HUNK: variants seen among roughly 807,000 people sequenced by gnomAD.
HUNK encodes the protein hormonally up-regulated neu tumor-associated kinase.
A neutral mutation model predicts 61.0 loss-of-function variants in HUNK; 21 were observed. The observed-to-expected ratio is 0.34, with a 90% CI of 0.24 to 0.50. HUNK has a LOEUF of 0.50. HUNK is among the 20% of genes least tolerant of loss of function. The pLI, the probability that HUNK is intolerant of heterozygous loss-of-function variation, is 0.98. For missense variants in HUNK, 772 were observed against 945.7 expected, an observed-to-expected ratio of 0.82 and a Z score of 2.41; for synonymous variants, 371 against 386.1, an observed-to-expected ratio of 0.96 and a Z score of 0.46.
Position 31,987,953 on chromosome 21 carries a change from A to G in HUNK, c.1258-2176A>G, listed in dbSNP as rs183575486. 1.4e-4 allele frequency among the ~76,000 whole-genome samples: 21 copies of G among 152,306 alleles called. No individual in the cohort carries two copies. In the East Asian group the frequency reaches 3.7e-3, roughly 27 times the overall value. ...GTGTGGCCCAGGGCTCGTGTCCCCT[A>G]GGGCTGTCATCAACCCGTGTCCCGG... is the stretch of plus-strand genomic sequence containing the variant. On this transcript the variant is annotated intron_variant, in intron 8 of 10. Coordinates refer to ENST00000270112, the MANE Select transcript of HUNK (RefSeq NM_014586.2).
At chr21:31,920,900 C>T (rs1344747699) in intron 1 of HUNK, among the ~76,000 whole-genome samples, 2 of 152,184 alleles carry the variant, frequency 1.3e-5, no homozygotes, top group Middle Eastern at 3.4e-3. Flanking sequence ...TCCTATAATC[C>T]CCGCACTTGG....
chr21:31,951,302 A>T (rs1289353596), intron 4 of HUNK, among the ~76,000 whole-genome samples: 5 of 152,102 alleles, frequency 3.3e-5, no homozygotes, highest in Non-Finnish European at 7.4e-5. Context: ...AACTTTTATT[A>T]CTGTGAATTG....
chr21:31,958,940 A>G lies in HUNK; in HGVS notation c.844A>G (p.Met282Val), dbSNP rs751148005. 6 of 1,610,162 alleles carry G rather than the reference A, an allele frequency of 3.7e-6. No individual in the cohort carries two copies. The change falls in exon 5 of 11, where the codon ATG becomes GTG. Residue 282 changes from methionine (M) to valine (V), a missense_variant. By Grantham distance (21) the Met-to-Val change is conservative. Transcript: ENST00000270112. ...GTACCAGAAGATGGTAGACAAAGAA[A>G]TGAACCCCCTCCCCACTCAGCTCTC... is the stretch of plus-strand genomic sequence containing the variant. ...ALYQKMVDKE[M>V]NPLPTQLSTG...
intron 4 of HUNK, among the ~76,000 whole-genome samples, chr21:31,955,034 G>A (rs559363357): frequency 2.0e-5 from 3 of 152,130 alleles, no homozygotes; most frequent in Non-Finnish European, 4.4e-5. Flanking sequence ...AGAGCCACCC[G>A]CCTCAGCCTC....
chr21:31,937,435 C>T lies in HUNK; in HGVS notation c.555-2730C>T, dbSNP rs1458309962. ...GAGAGACCAGTCTCAAAACAGTTCACTGAGTGGTTAATTTATGGAGATTTT... is the reference window on the plus strand; with the variant it reads ...GAGAGACCAGTCTCAAAACAGTTCATTGAGTGGTTAATTTATGGAGATTTT... On this transcript the variant is annotated intron_variant, in intron 2 of 10. Transcript: ENST00000270112. Among the ~76,000 whole-genome samples the T allele has an allele frequency of 2.6e-5, 4 of 152,166 alleles. No individual in the cohort carries two copies. In the East Asian group the frequency reaches 7.7e-4, roughly 29 times the overall value.
At chr21:31,971,305 C>T (rs1490068215) in intron 6 of HUNK, among the ~76,000 whole-genome samples, 1 of 152,048 alleles carries the variant, frequency 6.6e-6, no homozygotes, top group Non-Finnish European at 1.5e-5. Context: ...CTCCTGGCCT[C>T]AAGTGATCCG....
At chr21:31,988,255 TC>T (rs2053147364) in intron 8 of HUNK, among the ~76,000 whole-genome samples, 1 of 151,812 alleles carries the variant, frequency 6.6e-6, no homozygotes, top group African/African-American at 2.4e-5. Context: ...ACTTTGGGGG[TC>T]GAGGTGGGGA....
chr21:31,901,077 G>A (rs1223565314), intron 1 of HUNK, among the ~76,000 whole-genome samples: 1 of 152,100 alleles, frequency 6.6e-6, no homozygotes, highest in Non-Finnish European at 1.5e-5. Context: ...CTTTTTATAA[G>A]GACGCCAGTC....
intron 1 of HUNK, among the ~76,000 whole-genome samples, chr21:31,916,573 A>G (rs2052584372): frequency 6.6e-6 from 1 of 151,962 alleles, no homozygotes; most frequent in Admixed American, 6.6e-5. Flanking sequence ...ATCCACACAC[A>G]TGGCCTCTTC....
chr21:31,935,580 T>G (rs11910287), intron 2 of HUNK, among the ~76,000 whole-genome samples: 25,981 of 152,032 alleles, frequency 0.17, 5,315 homozygotes, highest in African/African-American at 0.5. Flanking sequence ...TTTTTCCCTC[T>G]CACACCCCAA....
chr21:31,950,971 A>C (rs2052845514), intron 4 of HUNK, among the ~76,000 whole-genome samples: 1 of 152,148 alleles, frequency 6.6e-6, no homozygotes, highest in South Asian at 2.1e-4. Flanking sequence ...TGTCATTGAA[A>C]GAAACCTTGG....
intron 1 of HUNK, among the ~76,000 whole-genome samples, chr21:31,896,964 G>A (rs1044896348): frequency 1.3e-5 from 2 of 152,168 alleles, no homozygotes; most frequent in Non-Finnish European, 1.5e-5. Context: ...GTGGCTTAGG[G>A]CCAGGCGCGG....
At chr21:31,930,813 T>C (rs1407459002) in intron 2 of HUNK, among the ~76,000 whole-genome samples, 1 of 152,174 alleles carries the variant, frequency 6.6e-6, no homozygotes, top group Non-Finnish European at 1.5e-5. Context: ...ATTGACTTAG[T>C]GTCAATGTGT....
chr21:31,996,690 G>A (rs2053208358), intron 10 of HUNK, among the ~76,000 whole-genome samples: 1 of 152,184 alleles, frequency 6.6e-6, no homozygotes, highest in Non-Finnish European at 1.5e-5. Context: ...AGGGGGATGA[G>A]ACACTTCTTG....
chr21:31,993,859 G>A (rs2053186488), intron 9 of HUNK, among the ~76,000 whole-genome samples: 1 of 152,092 alleles, frequency 6.6e-6, no homozygotes, highest in African/African-American at 2.4e-5. Context: ...AACCTTCTCT[G>A]GAACATTCAG....
chr21:31,995,983 G>A (rs371144574), intron 10 of HUNK, 35 bp downstream of exon 10: 40 of 1,503,118 alleles, frequency 2.7e-5, no homozygotes, highest in African/African-American at 1.4e-4. Context: ...CAGGCCACTC[G>A]TGTTGGGCTG....
chr21:31,928,907 G>C (rs1197618899), intron 2 of HUNK, among the ~76,000 whole-genome samples: 1 of 152,202 alleles, frequency 6.6e-6, no homozygotes, highest in African/African-American at 2.4e-5. Context: ...ATGAATAAGA[G>C]AGTATTGCAT....
At chr21:31,984,958 G>A (rs1360234403) in intron 8 of HUNK, among the ~76,000 whole-genome samples, 1 of 152,198 alleles carries the variant, frequency 6.6e-6, no homozygotes, top group African/African-American at 2.4e-5. Context: ...ATGGCAGAAG[G>A]TAAATGAGGA....
chr21:31,967,900 C>T (rs559482213), intron 5 of HUNK, among the ~76,000 whole-genome samples: 2 of 152,334 alleles, frequency 1.3e-5, no homozygotes, highest in East Asian at 3.9e-4. Flanking sequence ...CACAGGTTGT[C>T]TTGGGAAACA....
Sources: gnomAD v4.1 joint callset for allele counts (sites outside exome capture counted in the v4.1 genomes callset) on GRCh38, gnomAD v4.1.1 for gene constraint, MANE v1.5 for transcripts, NCBI Gene and HGNC (gene_info 2026-07-23, HGNC 2026-07-21) for gene names.